The following MECOM variants were observed in gnomAD, a reference collection of about 807,000 sequenced individuals.
The protein encoded by MECOM is MDS1 and EVI1 complex locus.
In MECOM, 13 loss-of-function variants were observed where a neutral mutation model predicts 116.3. The ratio of observed to expected loss-of-function variants is 0.11; its 90% CI spans 0.07 to 0.18. The LOEUF (loss-of-function observed/expected upper bound fraction) is 0.18, where lower values mean the gene tolerates loss of function less well. Ranked by LOEUF, MECOM falls within the 10% of genes least tolerant of loss-of-function variation. The pLI, the probability that MECOM is intolerant of heterozygous loss-of-function variation, is 1.00. For missense variants in MECOM, 1,299 were observed against 1,509.0 expected, an observed-to-expected ratio of 0.86 and a Z score of 2.31; for synonymous variants, 528 against 535.2, an observed-to-expected ratio of 0.99 and a Z score of 0.19.
At chr3:169,482,483 C>A (rs183815853) in intron 1 of MECOM, among the ~76,000 whole-genome samples, 1 of 152,178 alleles carries the variant, frequency 6.6e-6, no homozygotes, top group South Asian at 2.1e-4. Context: ...TACAGGCGCC[C>A]GCCACCACGC....
chr3:169,513,679 A>T (rs550461223), intron 1 of MECOM, among the ~76,000 whole-genome samples: 3 of 152,360 alleles, frequency 2.0e-5, no homozygotes, highest in Non-Finnish European at 4.4e-5. Flanking sequence ...AACCTTGAGG[A>T]GGTGTGATAA....
chr3:169,586,706 C>G (rs768654140), intron 1 of MECOM, among the ~76,000 whole-genome samples: 2 of 152,216 alleles, frequency 1.3e-5, no homozygotes, highest in Non-Finnish European at 2.9e-5. Flanking sequence ...CTTACCCAGA[C>G]AGGAGACTGA....
chr3:169,481,125 G>A (rs868382953), intron 1 of MECOM, among the ~76,000 whole-genome samples: 2 of 151,930 alleles, frequency 1.3e-5, no homozygotes, highest in Middle Eastern at 3.4e-3. Flanking sequence ...AGAAAACATC[G>A]GTTAAAAAAA....
At chr3:169,117,809 C>T (rs758390878) in intron 7 of MECOM, among the ~76,000 whole-genome samples, 1 of 152,176 alleles carries the variant, frequency 6.6e-6, no homozygotes, top group African/African-American at 2.4e-5. Context: ...AACTCCTTTA[C>T]CAGGTAAGAA....
chr3:169,396,904 C>T (rs372992846), intron 1 of MECOM, among the ~76,000 whole-genome samples: 5 of 152,074 alleles, frequency 3.3e-5, no homozygotes, highest in Admixed American at 6.6e-5. Flanking sequence ...ACCCAGGAGG[C>T]GCATGTTGCA....
At chr3:169,447,160 A>G (rs1744778677) in intron 1 of MECOM, among the ~76,000 whole-genome samples, 1 of 152,114 alleles carries the variant, frequency 6.6e-6, no homozygotes, top group Non-Finnish European at 1.5e-5. Flanking sequence ...GAACCACCCA[A>G]TTTCTTGACC....
chr3:169,634,900 C>T (rs1772531395), intron 1 of MECOM, among the ~76,000 whole-genome samples: 1 of 151,938 alleles, frequency 6.6e-6, no homozygotes, highest in Non-Finnish European at 1.5e-5. Flanking sequence ...TTCTTAATCA[C>T]TTTTTTAAAT....
rs540226726 is a variant in MECOM at position 169,644,342 on chromosome 3, C to T, written c.37+18994G>A. 1.3e-3 allele frequency among the ~76,000 whole-genome samples: 202 copies of T among 152,008 alleles called. 1 individual carries two copies. Among genetic ancestry groups the T allele is most frequent in the African/African-American group, 4.4e-3 (184 of 41,460 alleles). On this transcript the variant is annotated intron_variant, in intron 1 of 16. Coordinates refer to ENST00000651503, the MANE Select transcript of MECOM (RefSeq NM_004991.4). ...TACAATCTTGGCTCACTGCAACCTC[C>T]GGCTCCTGGATTCAAGCGATTCTCT...
chr3:169,172,266 GT>G (rs35780406), intron 2 of MECOM, among the ~76,000 whole-genome samples: 14,948 of 151,784 alleles, frequency 0.098, 949 homozygotes, highest in Non-Finnish European at 0.14. Flanking sequence ...ACTTTTTCTT[GT>G]TTTTTTACAG....
intron 2 of MECOM, among the ~76,000 whole-genome samples, chr3:169,314,883 ATCCC>A (rs1719463879): frequency 7.2e-5 from 11 of 152,362 alleles, no homozygotes; most frequent in African/African-American, 2.2e-4. Flanking sequence ...ATTTATAGTT[ATCCC>A]TTATTCTCCT....
In MECOM at chr3:169,451,570, C is replaced by T. The variant is rs151041795; in HGVS notation, c.38-70046G>A. Among the ~76,000 whole-genome samples, 670 of 152,220 alleles carry T rather than the reference C, an allele frequency of 4.4e-3. 5 individuals carry two copies. The highest frequency in any genetic ancestry group is 0.014 in the Middle Eastern group (4 of 294). On this transcript the variant is annotated intron_variant, in intron 1 of 16. Transcript: ENST00000651503. ...CATGTCATCAACTGTGGAAAAATGT[C>T]CCATTCTTTCTTATGCCTATTTCTT...
intron 12 of MECOM, among the ~76,000 whole-genome samples, chr3:169,099,660 A>G (rs960202889): frequency 1.3e-5 from 2 of 152,194 alleles, no homozygotes; most frequent in Non-Finnish European, 2.9e-5. Context: ...TTTTAATAGA[A>G]AAACTTAGCA....
chr3:169,108,592 C>T (rs1005554437), intron 9 of MECOM, among the ~76,000 whole-genome samples: 17 of 152,066 alleles, frequency 1.1e-4, no homozygotes, highest in South Asian at 4.2e-4. Context: ...AAGTTATATA[C>T]GCTTAAAAAT....
At chr3:169,613,872 G>C (rs559449955) in intron 1 of MECOM, 2 of 152,164 alleles carry the variant, frequency 1.3e-5, no homozygotes, top group African/African-American at 4.8e-5. Context: ...TGCTGACAAG[G>C]AACTAGAACT....
intron 1 of MECOM, among the ~76,000 whole-genome samples, chr3:169,447,333 T>C (rs1027838144): frequency 6.6e-6 from 1 of 152,088 alleles, no homozygotes; most frequent in Non-Finnish European, 1.5e-5. Context: ...AGCAGGCATT[T>C]TGTAAATTTT....
intron 2 of MECOM, among the ~76,000 whole-genome samples, chr3:169,240,973 T>C (rs2149549330): frequency 6.6e-6 from 1 of 152,172 alleles, no homozygotes; most frequent in East Asian, 1.9e-4. Context: ...CCACCAGCAA[T>C]GTGAGTAGCT....
chr3:169,588,386 G>A (rs554823838), intron 1 of MECOM, among the ~76,000 whole-genome samples: 1 of 152,124 alleles, frequency 6.6e-6, no homozygotes, highest in Non-Finnish European at 1.5e-5. Flanking sequence ...ATACTTTCAT[G>A]AGCTACAATA....
chr3:169,495,428 T>A (rs1753695051), intron 1 of MECOM, among the ~76,000 whole-genome samples: 1 of 152,232 alleles, frequency 6.6e-6, no homozygotes. Flanking sequence ...TATAATATTC[T>A]GAGCTACAAT....
At chr3:169,533,704 T>G (rs1397010315) in intron 1 of MECOM, among the ~76,000 whole-genome samples, 2 of 151,768 alleles carry the variant, frequency 1.3e-5, no homozygotes, top group Non-Finnish European at 2.9e-5. Context: ...CAGGCTGGGT[T>G]AAGTTCCTCA....
Sources: allele counts gnomAD v4.1 joint callset (sites outside exome capture counted in the v4.1 genomes callset), GRCh38; gene constraint gnomAD v4.1.1; transcripts MANE v1.5; gene names NCBI Gene and HGNC (gene_info 2026-07-23, HGNC 2026-07-21).